Variants in GRIK2 observed in about 807,000 individuals in gnomAD.
GRIK2 encodes the protein glutamate ionotropic receptor kainate type subunit 2, also known as glutamate receptor ionotropic, kainate 2.
Under a neutral mutation model 100.3 loss-of-function variants are expected in GRIK2, and 32 were observed. The observed-to-expected ratio is 0.32, with a 90% CI of 0.24 to 0.43. The LOEUF (loss-of-function observed/expected upper bound fraction) is 0.43. Among genes scored for constraint, GRIK2 ranks in the 20% least tolerant of loss-of-function variants. The probability of loss-of-function intolerance (pLI) is 1.00; values close to 1 mark genes in which losing one functional copy is unlikely to be tolerated. For missense variants in GRIK2, 843 were observed against 1,114.9 expected (o/e 0.76, Z 3.47); for synonymous variants, 417 against 389.4 (o/e 1.07, Z -0.83).
intron 2 of GRIK2, among the ~76,000 whole-genome samples, chr6:101,584,394 G>A (rs1359786034): frequency 6.6e-6 from 1 of 151,820 alleles, no homozygotes; most frequent in African/African-American, 2.4e-5. Context: ...AAATAAAAAT[G>A]GTCTAGTTTA....
At position 101,929,481 on chromosome 6, in the gene GRIK2, T is replaced by TA. The variant is rs200145385; in HGVS notation, c.2085+849_2085+850insA. On this transcript the variant is annotated intron_variant, in intron 14 of 16. Transcript: ENST00000369134. ...TGTACAGTGGAAATAGTATTTTTTT[T>TA]TAAAAAAATGATTAATTCAAGCTAT... Among the ~76,000 whole-genome samples, 821 of 151,606 alleles carry TA rather than the reference T, an allele frequency of 5.4e-3. 4 individuals are homozygous for TA. The highest frequency in any genetic ancestry group is 0.019 in the African/African-American group (773 of 41,326).
intron 4 of GRIK2, among the ~76,000 whole-genome samples, chr6:101,634,923 G>C (rs1407940051): frequency 6.6e-6 from 1 of 151,904 alleles, no homozygotes; most frequent in Admixed American, 6.6e-5. Flanking sequence ...TTTGGAGTTA[G>C]CATAATATAA....
intron 7 of GRIK2, among the ~76,000 whole-genome samples, chr6:101,722,004 C>A (rs141590424): frequency 6.6e-6 from 1 of 151,834 alleles, no homozygotes; most frequent in South Asian, 2.1e-4. Context: ...TACTTTAATC[C>A]ATTTGTGCTT....
rs974173513 is a variant in GRIK2 at position 101,399,154 on chromosome 6, C to G, written c.-124C>G. ...TTGGGAAGCGGAGACTCCTTCCTCT[C>G]TCTATGACCATGCCGTGATCGTGTC... On this transcript the variant is annotated 5_prime_UTR_variant, in exon 2 of 17. Transcript: ENST00000369134. 16 of 679,636 alleles carry G rather than the reference C, an allele frequency of 2.4e-5. No individual in the cohort carries two copies. The highest frequency in any genetic ancestry group is 1.7e-4 in the South Asian group (10 of 60,232). 42.1% of individuals were successfully genotyped at this position (679,636 alleles called of 1,614,324 possible). A position where few individuals can be genotyped will look rare whatever the true frequency, so the allele number is the denominator to read the frequency against.
At chr6:101,478,835 A>G (rs1299255518) in intron 2 of GRIK2, among the ~76,000 whole-genome samples, 1 of 152,152 alleles carries the variant, frequency 6.6e-6, no homozygotes, top group Non-Finnish European at 1.5e-5. Context: ...TAATGAATTT[A>G]ACATCCATTT....
intron 7 of GRIK2, among the ~76,000 whole-genome samples, chr6:101,730,810 AT>A (rs67207909): frequency 0.12 from 18,339 of 151,406 alleles, 1,323 homozygotes; most frequent in South Asian, 0.21. Context: ...CAAGATTCAG[AT>A]TTTTTTTTAA....
intron 2 of GRIK2, among the ~76,000 whole-genome samples, chr6:101,494,358 A>T (rs1424011544): frequency 2.6e-5 from 4 of 151,710 alleles, no homozygotes; most frequent in Non-Finnish European, 5.9e-5. Context: ...TGTAGGTTAC[A>T]GTTTCAAATA....
rs1283413436 is a variant in GRIK2 at position 101,612,579 on chromosome 6, G to A, written c.116-9370G>A. ...CAGGAGTTTGCATTATGTTTGAAAG[G>A]GGTCTGGAACATTGAGCACATAAAG... is the stretch of plus-strand genomic sequence containing the variant. On this transcript the variant is annotated intron_variant, in intron 2 of 16. Coordinates refer to ENST00000369134, the MANE Select transcript of GRIK2 (RefSeq NM_021956.5). Among the ~76,000 whole-genome samples, 4 of 151,680 alleles carry A rather than the reference G, an allele frequency of 2.6e-5. No homozygotes were observed. In the South Asian group the frequency reaches 6.2e-4, roughly 24 times the overall value.
At chr6:101,462,536 T>A (rs2128252815) in intron 2 of GRIK2, among the ~76,000 whole-genome samples, 1 of 152,318 alleles carries the variant, frequency 6.6e-6, no homozygotes, top group Admixed American at 6.5e-5. Context: ...AAAATGTTAT[T>A]TTTCTTAAAA....
chr6:101,789,559 A>G (rs1479882536), intron 7 of GRIK2, among the ~76,000 whole-genome samples: 2 of 151,828 alleles, frequency 1.3e-5, no homozygotes, highest in Non-Finnish European at 2.9e-5. Flanking sequence ...TGTTCCATTG[A>G]TCTGTATCTC....
rs781015364 is a variant in GRIK2, at chr6:102,055,561, A to G, written c.2543A>G (p.Lys848Arg). The G allele has an allele frequency of 6.8e-6, 11 of 1,608,902 alleles. No individual in the cohort carries two copies. In the South Asian group the frequency reaches 1.2e-4, roughly 18 times the overall value. ...GGAGAATTTTTATACAAATCCAAAA[A>G]AAACGCTCAATTGGAAAAGGTAAAT... is the stretch of plus-strand genomic sequence containing the variant. Reference protein sequence around the residue: ...AVGEFLYKSKKNAQLEKRSFC... With the variant: ...AVGEFLYKSKRNAQLEKRSFC... Residue 848 changes from lysine (K) to arginine (R), a missense_variant, in exon 16 of 17, where the codon AAA (lysine) becomes AGA (arginine). Physicochemically the swap from Lys to Arg is conservative, Grantham distance 26. Around this residue, in one of 3 missense-constraint regions of GRIK2, gnomAD observed 87 missense variants for 83.2 expected, o/e 1.05. Transcript: ENST00000369134.
intron 11 of GRIK2, 120 bp from the exon 12 acceptor site, chr6:101,889,520 T>G (rs1011648503): frequency 8.4e-6 from 5 of 595,260 alleles, no homozygotes; most frequent in Middle Eastern, 4.0e-4. Context: ...CTGAGGCAAT[T>G]AAGTGTAAAG....
intron 11 of GRIK2, among the ~76,000 whole-genome samples, chr6:101,859,748 A>G (rs747024790): frequency 6.6e-6 from 1 of 152,196 alleles, no homozygotes; most frequent in African/African-American, 2.4e-5. Context: ...CTTGATTATT[A>G]CATTTCAAAG....
chr6:101,734,855 C>T (rs115147409), intron 7 of GRIK2, among the ~76,000 whole-genome samples: 124 of 152,180 alleles, frequency 8.1e-4, no homozygotes, highest in African/African-American at 2.8e-3. Context: ...AAAGGTGGTA[C>T]TGTAGTTAGA....
chr6:102,055,483 G>A lies in GRIK2; in HGVS notation c.2465G>A (p.Gly822Asp). 1.2e-6 allele frequency: 2 copies of A among 1,613,630 alleles called. No homozygotes were observed. The highest frequency in any genetic ancestry group is 8.5e-7 in the Non-Finnish European group (1 of 1,179,696). ...GCCCTGGGGGTTCAGAATATTGGTG[G>A]CATCTTCATTGTTCTGGCAGCCGGC... ...ASALGVQNIG[G>D]IFIVLAAGLV... Residue 822 changes from glycine to aspartate, a missense_variant, in exon 16 of 17, where the codon GGC becomes GAC. Physicochemically the swap from Gly to Asp is moderately conservative, Grantham distance 94 (BLOSUM62 -1). Around this residue, in one of 3 missense-constraint regions of GRIK2, gnomAD observed 237 missense variants for 388.0 expected, o/e 0.61. Transcript: ENST00000369134.
At chr6:101,448,602 A>G (rs892664378) in intron 2 of GRIK2, among the ~76,000 whole-genome samples, 1 of 151,606 alleles carries the variant, frequency 6.6e-6, no homozygotes, top group African/African-American at 2.4e-5. Context: ...TATATATGGA[A>G]TTCTAACAAA....
intron 14 of GRIK2, chr6:101,993,760 A>T (rs1794498655): frequency 6.7e-6 from 1 of 149,124 alleles, no homozygotes; most frequent in African/African-American, 2.4e-5. Context: ...CCATCATATT[A>T]GGCTATATAT....
At chr6:101,394,015 T>G (rs1237341990) in intron 1 of GRIK2, among the ~76,000 whole-genome samples, 178 bp downstream of exon 1, 2 of 152,226 alleles carry the variant, frequency 1.3e-5, no homozygotes, top group African/African-American at 4.8e-5. Flanking sequence ...ACGGATTCAC[T>G]GCGAGTCTTT....
intron 11 of GRIK2, among the ~76,000 whole-genome samples, chr6:101,877,081 G>A (rs1785903479): frequency 6.6e-6 from 1 of 151,796 alleles, no homozygotes; most frequent in South Asian, 2.1e-4. Context: ...AGAAACAAAT[G>A]AGCTTCATAG....
Sources: gnomAD v4.1 joint callset for allele counts (sites outside exome capture counted in the v4.1 genomes callset) on GRCh38, gnomAD v4.1.1 for gene constraint, gnomAD v4.1.1 regional missense constraint, MANE v1.5 for transcripts, NCBI Gene and HGNC (gene_info 2026-07-23, HGNC 2026-07-21) for gene names.